ANPEP: variants seen among roughly 807,000 people sequenced by gnomAD.
ANPEP encodes aminopeptidase N.
A neutral mutation model predicts 114.6 loss-of-function variants in ANPEP; 70 were observed. That is an observed-to-expected ratio of 0.61 (90% confidence interval 0.50 to 0.75). ANPEP has a LOEUF of 0.75. ANPEP is among the 30% of genes least tolerant of loss of function. ANPEP has a pLI of 0.00. For synonymous variants in ANPEP, 548 were observed against 522.3 expected, an observed-to-expected ratio of 1.05 and a Z score of -0.67; for missense variants, 1,184 against 1,259.5, an observed-to-expected ratio of 0.94 and a Z score of 0.91.
At chr15:89,789,246 C>G (rs1336303366) in intron 20 of ANPEP, among the ~76,000 whole-genome samples, 2 of 151,960 alleles carry the variant, frequency 1.3e-5, no homozygotes, top group Admixed American at 1.3e-4. Flanking sequence ...TCCTAAAGTG[C>G]TGGGACTACA....
intron 18 of ANPEP, 76 bp from the exon 19 acceptor site, chr15:89,791,169 A>G (rs1365527672): frequency 3.9e-6 from 6 of 1,530,174 alleles, no homozygotes; most frequent in Non-Finnish European, 5.4e-6. Flanking sequence ...TCCCACGCAC[A>G]TCACCTATGC....
At position 89,801,144 on chromosome 15, in the gene ANPEP, G is replaced by A; in HGVS notation, c.1786C>T (p.Gln596Ter). 1 of 1,614,174 alleles carries A rather than the reference G, an allele frequency of 6.2e-7. No homozygotes were observed. The highest frequency in any genetic ancestry group is 8.5e-7 in the Non-Finnish European group (1 of 1,180,028). The change falls in exon 12 of 21, where the codon CAG (glutamine) becomes TAG (stop). Residue 596 changes from glutamine to a stop codon, truncating the protein, a stop_gained. Transcript: ENST00000300060. LOFTEE classifies it high-confidence loss of function. ...VPITSIRDGR[Q>*]QQDYWLIDVR... ...TCTATCAGCCAGTAGTCCTGCTGCT[G>A]TCTGCCATCTCTGATGGATGTGATG...
chr15:89,788,624 A>T (rs1454445239), intron 20 of ANPEP, among the ~76,000 whole-genome samples: 4 of 152,044 alleles, frequency 2.6e-5, no homozygotes, highest in African/African-American at 4.8e-5. Context: ...TTTTTGAGAC[A>T]GGGTCTTGCT....
chr15:89,791,526 C>T (rs1049568660), intron 18 of ANPEP, among the ~76,000 whole-genome samples: 3 of 151,980 alleles, frequency 2.0e-5, no homozygotes, highest in Admixed American at 6.5e-5. Flanking sequence ...TAACCTTCGC[C>T]TGCCAGGTTC....
intron 1 of ANPEP, among the ~76,000 whole-genome samples, chr15:89,811,795 C>T (rs769990737): frequency 6.6e-6 from 1 of 152,140 alleles, no homozygotes; most frequent in Non-Finnish European, 1.5e-5. Flanking sequence ...GTCTTTGGTG[C>T]AGGCTCTTTC....
intron 12 of ANPEP, 76 bp downstream of exon 12, chr15:89,801,035 C>A: frequency 7.6e-7 from 1 of 1,322,044 alleles, no homozygotes; most frequent in South Asian, 1.2e-5. Context: ...AATGGCCCAT[C>A]ACAGCCCTCA....
intron 12 of ANPEP, among the ~76,000 whole-genome samples, chr15:89,800,497 G>T (rs1894564820): frequency 6.6e-6 from 1 of 151,430 alleles, no homozygotes; most frequent in South Asian, 2.1e-4. Context: ...GCCTTGCTGA[G>T]TAGGGCTGCT....
chr15:89,803,772 T>A lies in ANPEP; in HGVS notation c.1312A>T (p.Asn438Tyr). ...ACTGCCATCACGCGGTACACATCAT[T>A]CAGCACCATGAGGTCTTTCTGCAAA... is the stretch of plus-strand genomic sequence containing the variant. Reference protein sequence around the residue: ...TWNLKDLMVLNDVYRVMAVDA... With the variant: ...TWNLKDLMVLYDVYRVMAVDA... The change falls in exon 8 of 21, where the codon AAT becomes TAT. Residue 438 changes from asparagine to tyrosine, a missense_variant. Transcript: ENST00000300060. This position sits in a 1 kb window ranked among gnomAD's most constrained non-coding sequence, Gnocchi z 4.2. 1 of 1,608,218 alleles carries A rather than the reference T, an allele frequency of 6.2e-7. No individual in the cohort carries two copies. Among genetic ancestry groups the A allele is most frequent in the East Asian group, 2.2e-5 (1 of 44,698 alleles).
At chr15:89,796,423 G>T (rs1014666433) in intron 15 of ANPEP, among the ~76,000 whole-genome samples, 1 of 152,164 alleles carries the variant, frequency 6.6e-6, no homozygotes, top group Admixed American at 6.5e-5. Flanking sequence ...CAGTAAGAGG[G>T]TTGAAACTTC....
chr15:89,798,164 G>T (rs1210097694), intron 14 of ANPEP, among the ~76,000 whole-genome samples: 5 of 152,176 alleles, frequency 3.3e-5, no homozygotes, highest in Non-Finnish European at 7.3e-5. Flanking sequence ...TACACATTTA[G>T]CTCACAAATG....
rs1413882547 is a variant in ANPEP at position 89,803,439 on chromosome 15, C to CA, written c.1503+2dup. ...CATGGCTGGCCCAGGGTGCAGTACTCACCGCCAGGCCCTGCTTGAATACGT... is the reference window on the plus strand; with the variant it reads ...CATGGCTGGCCCAGGGTGCAGTACTCAACCGCCAGGCCCTGCTTGAATACGT... On this transcript the variant is annotated splice_region_variant and intron_variant, in intron 9 of 20. Transcript: ENST00000300060. The surrounding 1 kb of genome is among the most constrained non-coding windows in gnomAD (Gnocchi z 4.2). The CA allele has an allele frequency of 6.2e-7, 1 of 1,606,320 alleles. No individual in the cohort carries two copies. Among genetic ancestry groups the CA allele is most frequent in the Non-Finnish European group, 8.5e-7 (1 of 1,176,368 alleles).
chr15:89,800,592 G>A (rs1014226733), intron 12 of ANPEP, among the ~76,000 whole-genome samples: 2 of 128,162 alleles, frequency 1.6e-5, no homozygotes, highest in Non-Finnish European at 3.1e-5. Flanking sequence ...ACAGAGTTTC[G>A]CTCTTGTTGC....
chr15:89,786,101 C>T (rs1036408375), intron 20 of ANPEP, among the ~76,000 whole-genome samples: 2 of 152,120 alleles, frequency 1.3e-5, no homozygotes, highest in African/African-American at 4.8e-5. Context: ...CAATTGTATT[C>T]CCATACATTA....
chr15:89,793,634 C>G (rs2141794211), intron 15 of ANPEP, among the ~76,000 whole-genome samples: 1 of 141,470 alleles, frequency 7.1e-6, no homozygotes, highest in East Asian at 2.1e-4. Context: ...ACCCGGGAGG[C>G]AGAGGTTACA....
At position 89,799,524 on chromosome 15, in the gene ANPEP, A is replaced by G; in HGVS notation, c.1855T>C (p.Trp619Arg). ...GTCACATTGAGGTTCAGCAGGACCC[A>G]CTCATTGCCTGATGTGCTGAAGAGA... ...NDLFSTSGNE[W>R]VLLNLNVTGY... Residue 619 changes from tryptophan to arginine, a missense_variant, in exon 13 of 21, where the codon TGG becomes CGG. Trp to Arg is a moderately radical substitution (Grantham distance 101). Coordinates refer to ENST00000300060, the MANE Select transcript of ANPEP (RefSeq NM_001150.3). This position sits in a 1 kb window ranked among gnomAD's most constrained non-coding sequence, Gnocchi z 4.2. The G allele has an allele frequency of 1.2e-6, 2 of 1,614,148 alleles. No individual in the cohort carries two copies. Among genetic ancestry groups the G allele is most frequent in the Non-Finnish European group, 1.7e-6 (2 of 1,180,030 alleles).
At chr15:89,808,100 G>A (rs1321892657) in intron 1 of ANPEP, among the ~76,000 whole-genome samples, 1 of 152,046 alleles carries the variant, frequency 6.6e-6, no homozygotes, top group Non-Finnish European at 1.5e-5. Context: ...CCTTCTAAAG[G>A]CACCCACAAG....
intron 1 of ANPEP, among the ~76,000 whole-genome samples, chr15:89,811,045 C>T (rs1164397391): frequency 6.6e-6 from 1 of 152,198 alleles, no homozygotes; most frequent in Non-Finnish European, 1.5e-5. Flanking sequence ...TGTGCCGTAT[C>T]CTCTACACCT....
At position 89,785,293 on chromosome 15, in the gene ANPEP, G is replaced by T; in HGVS notation, c.*56C>A. On this transcript the variant is annotated 3_prime_UTR_variant, in exon 21 of 21. Coordinates refer to ENST00000300060, the MANE Select transcript of ANPEP (RefSeq NM_001150.3). ...AATGGAGGCCCTGCACCAGCCGCTG[G>T]GATGGACACATGTGGGCACCTTGCA... 1 of 1,606,250 alleles carries T rather than the reference G, an allele frequency of 6.2e-7. No individual in the cohort carries two copies. The highest frequency in any genetic ancestry group is 8.5e-7 in the Non-Finnish European group (1 of 1,173,978).
In ANPEP at chr15:89,805,172, T is replaced by G; in HGVS notation, c.803A>C (p.Glu268Ala). Residue 268 changes from glutamate to alanine, a missense_variant, in exon 4 of 21, where the codon GAG (glutamate) becomes GCG (alanine). Glu to Ala is a moderately radical substitution (Grantham distance 107). Coordinates refer to ENST00000300060, the MANE Select transcript of ANPEP (RefSeq NM_001150.3). ...LPEDPNWNVT[E>A]FHTTPKMSTY... ...GGACATCTTGGGCGTGGTGTGGAAC[T>G]CAGTGACATTCCAGTTGGGGTCTTC... is the stretch of plus-strand genomic sequence containing the variant. 6.2e-7 allele frequency: 1 copy of G among 1,614,210 alleles called. No homozygotes were observed. The highest frequency in any genetic ancestry group is 8.5e-7 in the Non-Finnish European group (1 of 1,180,044).
Sources: allele counts gnomAD v4.1 joint callset (sites outside exome capture counted in the v4.1 genomes callset), GRCh38; gene constraint gnomAD v4.1.1; non-coding constraint Gnocchi (gnomAD v3.1); transcripts MANE v1.5; gene names NCBI Gene and HGNC (gene_info 2026-07-23, HGNC 2026-07-21).